The following PARP1 variants were observed in gnomAD, a reference collection of about 807,000 sequenced individuals.
The protein encoded by PARP1 is poly(ADP-ribose) polymerase 1.
PARP1 carries 44 observed loss-of-function variants against 118.7 expected under a neutral mutation model. That is an observed-to-expected ratio of 0.37 (90% confidence interval 0.29 to 0.48). The LOEUF (loss-of-function observed/expected upper bound fraction) is 0.48. Ranked by LOEUF, PARP1 falls within the 20% of genes least tolerant of loss-of-function variation. PARP1 has a pLI of 0.99. For missense variants in PARP1, 1,100 were observed against 1,272.4 expected (o/e 0.86, Z 2.06); for synonymous variants, 492 against 483.2 (o/e 1.02, Z -0.24).
At chr1:226,381,741 C>A (rs546906850) in intron 8 of PARP1, among the ~76,000 whole-genome samples, 1 of 152,236 alleles carries the variant, frequency 6.6e-6, no homozygotes, top group Non-Finnish European at 1.5e-5. Flanking sequence ...CTGGTGTGCA[C>A]TGACCCAGGC....
chr1:226,388,447 C>G (rs1664754951), intron 5 of PARP1, among the ~76,000 whole-genome samples: 1 of 152,238 alleles, frequency 6.6e-6, no homozygotes, highest in African/African-American at 2.4e-5. Flanking sequence ...CAGACACCTA[C>G]AGCCTAATGT....
At chr1:226,401,217 T>C (rs1419838799) in intron 2 of PARP1, among the ~76,000 whole-genome samples, 1 of 152,146 alleles carries the variant, frequency 6.6e-6, no homozygotes, top group African/African-American at 2.4e-5. Flanking sequence ...CAGCCCTAAA[T>C]TGGGGATTGG....
At chr1:226,376,467 C>G (rs1029222872) in intron 13 of PARP1, among the ~76,000 whole-genome samples, 1 of 152,298 alleles carries the variant, frequency 6.6e-6, no homozygotes, top group East Asian at 1.9e-4. Flanking sequence ...TCTGTCATGA[C>G]AGACCAGTCA....
At chr1:226,385,990 C>A (rs924289788) in intron 6 of PARP1, among the ~76,000 whole-genome samples, 9 of 152,196 alleles carry the variant, frequency 5.9e-5, no homozygotes, top group African/African-American at 1.9e-4. Context: ...CCAAGAATGA[C>A]AGCAGAGAAG....
chr1:226,402,517 T>TG, intron 1 of PARP1, 138 bp from the exon 2 acceptor site: 1 of 810,908 alleles, frequency 1.2e-6, no homozygotes, highest in Non-Finnish European at 2.1e-6. Context: ...CTCCTATCTG[T>TG]GAAAGGAGGA....
In PARP1 at chr1:226,372,590, G is replaced by A. The variant is rs145125384; in HGVS notation, c.2070+1636C>T. On this transcript the variant is annotated intron_variant, in intron 14 of 22. Transcript: ENST00000366794. ...CTCGGGAGGCTGAGGCAGGAGAATC[G>A]CTTGAACCCAGGAGGCAGAGGTTAC... Among the ~76,000 whole-genome samples, 694 of 152,282 alleles carry A rather than the reference G, an allele frequency of 4.6e-3. 27 individuals carry two copies. In the South Asian group the frequency reaches 0.084, roughly 18 times the overall value.
At chr1:226,389,543 C>T (rs541618861) in intron 4 of PARP1, among the ~76,000 whole-genome samples, 37 of 152,308 alleles carry the variant, frequency 2.4e-4, no homozygotes, top group African/African-American at 6.7e-4. Context: ...GTCTGGCATA[C>T]GAAATGTGCT....
intron 21 of PARP1, 144 bp from the exon 22 acceptor site, chr1:226,362,227 C>T (rs557217444): frequency 3.3e-5 from 21 of 634,302 alleles, no homozygotes; most frequent in Non-Finnish European, 5.9e-5. Flanking sequence ...TCACTGTCGC[C>T]CAGGCCGGAG....
chr1:226,368,289 G>C lies in PARP1; in HGVS notation c.2187C>G (p.Ile729Met). The change falls in exon 16 of 23, where the codon ATC (isoleucine) becomes ATG (methionine). Residue 729 changes from isoleucine to methionine, a missense_variant. By Grantham distance (10) the Ile-to-Met change is conservative. Around this residue, in one of 2 missense-constraint regions of PARP1, gnomAD observed 948 missense variants for 1,031.8 expected, o/e 0.92. Coordinates refer to ENST00000366794, the MANE Select transcript of PARP1 (RefSeq NM_001618.4). ...TGTAAAAGCGATTTGAGAGATCCAG[G>C]ATCTGAGAGTCGCTGCTGCCCTGAG... ...AVSQGSSDSQ[I>M]LDLSNRFYTL... is the part of the protein sequence containing the mutation. 2 of 1,614,220 alleles carry C rather than the reference G, an allele frequency of 1.2e-6. No individual in the cohort carries two copies. Among genetic ancestry groups the C allele is most frequent in the Non-Finnish European group, 1.7e-6 (2 of 1,180,024 alleles).
chr1:226,377,278 G>A lies in PARP1; in HGVS notation c.1771C>T (p.Arg591Cys), dbSNP rs752905479. The change falls in exon 13 of 23, where the codon CGT becomes TGT. Residue 591 changes from arginine to cysteine, a missense_variant. Arg to Cys is a radical substitution (Grantham distance 180). Around this residue, in one of 2 missense-constraint regions of PARP1, gnomAD observed 948 missense variants for 1,031.8 expected, o/e 0.92. Coordinates refer to ENST00000366794, the MANE Select transcript of PARP1 (RefSeq NM_001618.4). ...NRYWIFRSWG[R>C]VGTVIGSNKL... is the part of the protein sequence containing the mutation. ...TTGCTACCGATCACCGTACCCACAC[G>A]GCCCCAGGACCTGAATATCCAATAC... The A allele has an allele frequency of 6.0e-5, 97 of 1,613,826 alleles. No individual in the cohort carries two copies. The highest frequency in any genetic ancestry group is 8.0e-5 in the Non-Finnish European group (94 of 1,179,892).
rs1460648491 is a variant in PARP1 at position 226,365,065 on chromosome 1, C to T, written c.2595G>A (p.Arg865=). Residue 865 remains arginine (R), a synonymous_variant, in exon 19 of 23, where the codon AGG becomes AGA. Transcript: ENST00000366794. ...ACAGGATCCCAGCAAAGTTGGTGGT[C>T]CTGGACCCGTGCCACAGCAATCTTC... The part of the protein sequence containing the change: ...HNRRLLWHGS[R]TTNFAGILSQ... 5 of 1,614,070 alleles carry T rather than the reference C, an allele frequency of 3.1e-6. No homozygotes were observed. The African/African-American group carries it at 4.0e-5, about 13-fold the overall frequency.
intron 2 of PARP1, among the ~76,000 whole-genome samples, chr1:226,396,154 T>A (rs1664912907): frequency 6.6e-6 from 1 of 152,168 alleles, no homozygotes. Context: ...AAGACCAGCC[T>A]GGCCAACACA....
intron 22 of PARP1, 172 bp from the exon 23 acceptor site, chr1:226,361,713 A>C: frequency 1.5e-6 from 1 of 685,810 alleles, no homozygotes; most frequent in Non-Finnish European, 2.7e-6. Flanking sequence ...GCTCAATGCC[A>C]GCCTGAAAGT....
intron 6 of PARP1, 102 bp from the exon 7 acceptor site, chr1:226,385,782 C>T (rs1664704596): frequency 1.9e-6 from 2 of 1,074,056 alleles, no homozygotes; most frequent in Non-Finnish European, 2.9e-6. Flanking sequence ...CCACTCACTA[C>T]AAAGAAGAGA....
chr1:226,372,792 G>C (rs1229572162), intron 14 of PARP1, among the ~76,000 whole-genome samples: 2 of 152,180 alleles, frequency 1.3e-5, no homozygotes, highest in African/African-American at 4.8e-5. Flanking sequence ...CCAAGGTGTG[G>C]GAGACTGGAA....
intron 2 of PARP1, among the ~76,000 whole-genome samples, chr1:226,393,624 C>T (rs1664859149): frequency 6.6e-6 from 1 of 152,234 alleles, no homozygotes; most frequent in Non-Finnish European, 1.5e-5. Context: ...GTATACAATT[C>T]CTTTTCTTCC....
intron 6 of PARP1, among the ~76,000 whole-genome samples, 162 bp downstream of exon 6, chr1:226,386,164 A>C (rs1425145630): frequency 2.6e-5 from 4 of 152,188 alleles, no homozygotes; most frequent in African/African-American, 9.6e-5. Flanking sequence ...GGTGACCACG[A>C]TGGTGGTGAT....
chr1:226,379,370 T>C, intron 11 of PARP1, 96 bp from the exon 12 acceptor site: 4 of 1,482,196 alleles, frequency 2.7e-6, no homozygotes, highest in Non-Finnish European at 2.8e-6. Flanking sequence ...TCACGCCTCT[T>C]GGATACACTA....
At chr1:226,363,836 A>C in intron 20 of PARP1, 107 bp downstream of exon 20, 69 of 1,143,034 alleles carry the variant, frequency 6.0e-5, no homozygotes, top group Non-Finnish European at 8.5e-5. Context: ...TGCGTCCAGT[A>C]ACTGCAGTGG....
Sources: allele counts gnomAD v4.1 joint callset (sites outside exome capture counted in the v4.1 genomes callset), GRCh38; gene constraint gnomAD v4.1.1; regional missense constraint gnomAD v4.1.1; transcripts MANE v1.5; gene names NCBI Gene and HGNC (gene_info 2026-07-23, HGNC 2026-07-21).